The following NBEAL1 variants were observed in gnomAD, a reference collection of about 807,000 sequenced individuals.
NBEAL1 encodes the protein neurobeachin like 1.
A neutral mutation model predicts 351.3 loss-of-function variants in NBEAL1; 273 were observed. That is an observed-to-expected ratio of 0.78 (90% confidence interval 0.70 to 0.86). The LOEUF is 0.86. Among genes scored for constraint, NBEAL1 ranks in the 40% least tolerant of loss-of-function variants. The pLI, the probability that NBEAL1 is intolerant of heterozygous loss-of-function variation, is 0.00. For missense variants in NBEAL1, 2,961 were observed against 3,201.3 expected (o/e 0.92, Z 1.81); for synonymous variants, 1,050 against 1,086.4 (o/e 0.97, Z 0.66).
intron 8 of NBEAL1, 77 bp downstream of exon 8, chr2:203,077,914 C>A: frequency 4.2e-6 from 3 of 716,634 alleles, no homozygotes; most frequent in South Asian, 3.7e-5. Flanking sequence ...TTAGTATGTT[C>A]TTTGTCTTTT....
chr2:203,020,947 G>GTCTCT (rs1238580038), intron 2 of NBEAL1, among the ~76,000 whole-genome samples: 1 of 152,118 alleles, frequency 6.6e-6, no homozygotes, highest in Non-Finnish European at 1.5e-5. Flanking sequence ...TGGAGACGGA[G>GTCTCT]TCTCACTCTG....
intron 6 of NBEAL1, among the ~76,000 whole-genome samples, chr2:203,067,033 C>T (rs1292862077): frequency 4.1e-5 from 6 of 145,382 alleles, no homozygotes; most frequent in South Asian, 4.5e-4. Flanking sequence ...ACGCCCCTCA[C>T]CTCCCAGAAG....
chr2:203,155,731 A>G (rs1476429554), intron 35 of NBEAL1, among the ~76,000 whole-genome samples: 2 of 152,178 alleles, frequency 1.3e-5, no homozygotes, highest in South Asian at 2.1e-4. Context: ...TACAGGCATG[A>G]GCCATCACAC....
At chr2:203,099,513 GAATGT>G in intron 11 of NBEAL1, 111 bp from the exon 12 acceptor site, 1 of 606,184 alleles carries the variant, frequency 1.6e-6, no homozygotes, top group East Asian at 2.9e-5. Context: ...ATCAGAAGAG[GAATGT>G]AATGCATGTT....
intron 55 of NBEAL1, 166 bp downstream of exon 55, chr2:203,213,819 G>A: frequency 1.0e-6 from 1 of 980,618 alleles, no homozygotes; most frequent in African/African-American, 1.7e-5. Context: ...TGTTATTCAA[G>A]AATCATGTTT....
intron 11 of NBEAL1, 46 bp from the exon 12 acceptor site, chr2:203,099,583 C>G (rs1289409739): frequency 7.9e-7 from 1 of 1,267,956 alleles, no homozygotes; most frequent in South Asian, 1.4e-5. Flanking sequence ...CAATAAAAAT[C>G]GTGAGCACAT....
Position 203,136,627 on chromosome 2 carries a change from T to C in NBEAL1, c.4418T>C (p.Leu1473Pro), listed in dbSNP as rs748056181. 1 of 1,611,198 alleles carries C rather than the reference T, an allele frequency of 6.2e-7. No homozygotes were observed. The highest frequency in any genetic ancestry group is 8.5e-7 in the Non-Finnish European group (1 of 1,178,312). ...ERCEEELLQL[L>P]THILNYVMCK... ...TGTGAGGAGGAGCTTCTTCAATTAC[T>C]GACACATATTTTGAATTATGTAATG... Residue 1473 changes from leucine to proline, a missense_variant, in exon 29 of 56, where the codon CTG becomes CCG. Coordinates refer to ENST00000683969, the MANE Select transcript of NBEAL1 (RefSeq NM_001378026.1).
chr2:203,035,076 C>T (rs1337520837), intron 2 of NBEAL1, among the ~76,000 whole-genome samples: 1 of 149,052 alleles, frequency 6.7e-6, no homozygotes, highest in Admixed American at 6.8e-5. Flanking sequence ...TAGCTGTAAC[C>T]CTGTCTCTGA....
chr2:203,014,621 G>C (rs1292583045), upstream of NBEAL1: 1 of 152,264 alleles, frequency 6.6e-6, no homozygotes, highest in Non-Finnish European at 1.5e-5. Flanking sequence ...CCTCCTCCAT[G>C]TCCAGCTGAG....
intron 8 of NBEAL1, among the ~76,000 whole-genome samples, chr2:203,082,737 A>C (rs1326909451): frequency 1.3e-5 from 2 of 152,162 alleles, no homozygotes; most frequent in Non-Finnish European, 2.9e-5. Flanking sequence ...AGGGTTAGGC[A>C]GTTTTGAGCT....
At chr2:203,178,473 G>A (rs773466381) in intron 42 of NBEAL1, among the ~76,000 whole-genome samples, 21 of 152,120 alleles carry the variant, frequency 1.4e-4, no homozygotes, top group East Asian at 3.9e-4. Flanking sequence ...GGCCATACCC[G>A]TATAATTTAT....
rs958839936 is a variant in NBEAL1, at chr2:203,161,627, TCAAATAAATAAATAAATAAATAAA to T, written c.5714+3803_5714+3826del. Reference sequence around the variant, plus strand: ...CTGGGTGACAGAGCAAGACTCCGTCTCAAATAAATAAATAAATAAATAAATAAATAAATAAATAAATAAATAAAT... The same window carrying T: ...CTGGGTGACAGAGCAAGACTCCGTCTTAAATAAATAAATAAATAAATAAAT... On this transcript the variant is annotated intron_variant, in intron 36 of 55. Transcript: ENST00000683969. 4.9e-5 allele frequency among the ~76,000 whole-genome samples: 6 copies of T among 122,714 alleles called. No individual in the cohort carries two copies. In the Admixed American group the frequency reaches 6.0e-4, roughly 12 times the overall value. The allele number at this position is 122,714 out of a possible 152,430, so 80.5% of individuals were successfully genotyped here.
Position 203,062,537 on chromosome 2 carries a change from C to A in NBEAL1, c.515+5084C>A, listed in dbSNP as rs1001749718. ...GGAGAGGGAGCCCAAGCTAGGAGCG[C>A]AGCCCAGAGACCCAAAAAGAAGAAA... On this transcript the variant is annotated intron_variant, in intron 6 of 55. Transcript: ENST00000683969. The surrounding 1 kb of genome is among the most constrained non-coding windows in gnomAD (Gnocchi z 4.2). 4.4e-6 allele frequency: 1 copy of A among 229,606 alleles called. No homozygotes were observed. 14.2% of individuals were successfully genotyped at this position (229,606 alleles called of 1,614,324 possible).
chr2:203,151,529 C>G lies in NBEAL1; in HGVS notation c.5527C>G (p.Leu1843Val), dbSNP rs200013531. Reference protein sequence around the residue: ...VENYSRMRLKLVPNYNFKTHE... With the variant: ...VENYSRMRLKVVPNYNFKTHE... ...GAATTATTCCCGCATGAGACTTAAGCTGGTACCGAATTATAATTTCAAAAC... is the reference window on the plus strand; with the variant it reads ...GAATTATTCCCGCATGAGACTTAAGGTGGTACCGAATTATAATTTCAAAAC... The change falls in exon 35 of 56, where the codon CTG becomes GTG. Residue 1843 changes from leucine to valine, a missense_variant. By Grantham distance (32) the Leu-to-Val change is conservative. Transcript: ENST00000683969. 45 of 1,610,874 alleles carry G rather than the reference C, an allele frequency of 2.8e-5. 1 individual carries two copies. In the African/African-American group the frequency reaches 5.3e-4, roughly 19 times the overall value.
At chr2:203,101,094 C>T (rs1197914369) in intron 12 of NBEAL1, among the ~76,000 whole-genome samples, 3 of 152,066 alleles carry the variant, frequency 2.0e-5, no homozygotes, top group Non-Finnish European at 4.4e-5. Flanking sequence ...GTTTTTGTTG[C>T]AGTTACTTTT....
At chr2:203,109,385 G>C (rs2062510558) in intron 14 of NBEAL1, among the ~76,000 whole-genome samples, 1 of 151,998 alleles carries the variant, frequency 6.6e-6, no homozygotes, top group African/African-American at 2.4e-5. Flanking sequence ...AATGAGTAGT[G>C]ATATGAGTAA....
chr2:203,053,205 G>C (rs2061350908), intron 4 of NBEAL1, among the ~76,000 whole-genome samples: 1 of 152,128 alleles, frequency 6.6e-6, no homozygotes, highest in Non-Finnish European at 1.5e-5. Flanking sequence ...CAATGAATGA[G>C]AGTTCCTGTT....
chr2:203,114,264 G>A lies in NBEAL1; in HGVS notation c.2506+946G>A, dbSNP rs796566935. Among the ~76,000 whole-genome samples, 3 of 152,170 alleles carry A rather than the reference G, an allele frequency of 2.0e-5. No homozygotes were observed. The East Asian group carries it at 5.8e-4, about 29-fold the overall frequency. On this transcript the variant is annotated intron_variant, in intron 17 of 55. Transcript: ENST00000683969. Reference sequence around the variant, plus strand: ...ATGGCTTTAAATAGGAAGTTTAGGGGGACATAGTCAGTCCATAACACTGCC... The same window carrying A: ...ATGGCTTTAAATAGGAAGTTTAGGGAGACATAGTCAGTCCATAACACTGCC...
chr2:203,162,220 C>T (rs1235549095), intron 36 of NBEAL1, among the ~76,000 whole-genome samples: 1 of 151,484 alleles, frequency 6.6e-6, no homozygotes, highest in Non-Finnish European at 1.5e-5. Flanking sequence ...AGATGGGTTT[C>T]ACCGTGTTGG....
Sources: gnomAD v4.1 joint callset for allele counts (sites outside exome capture counted in the v4.1 genomes callset) on GRCh38, gnomAD v4.1.1 for gene constraint, Gnocchi (gnomAD v3.1) non-coding constraint, MANE v1.5 for transcripts, NCBI Gene and HGNC (gene_info 2026-07-23, HGNC 2026-07-21) for gene names.